Variants in CLDN14 observed in about 807,000 individuals in gnomAD.
The protein encoded by CLDN14 is claudin-14.
CLDN14 carries 2 observed loss-of-function variants against 2.1 expected under a neutral mutation model. The observed-to-expected ratio is 0.96, with a 90% CI of 0.39 to 3.01. The LOEUF (loss-of-function observed/expected upper bound fraction) is 3.01, where lower values mean the gene tolerates loss of function less well. CLDN14 is among the 30% of genes most tolerant of loss of function. The probability of loss-of-function intolerance (pLI) is 0.09; values close to 1 mark genes in which losing one functional copy is unlikely to be tolerated. For synonymous variants in CLDN14, 136 were observed against 154.4 expected, an observed-to-expected ratio of 0.88 and a Z score of 0.88; for missense variants, 298 against 328.0, an observed-to-expected ratio of 0.91 and a Z score of 0.71.
intron 1 of CLDN14, among the ~76,000 whole-genome samples, chr21:36,561,623 G>C (rs2087635651): frequency 6.6e-6 from 1 of 152,208 alleles, no homozygotes; most frequent in African/African-American, 2.4e-5. Context: ...GTGTTGGTGA[G>C]GAACCATCCA....
chr21:36,509,669 C>T (rs916471707), intron 2 of CLDN14, among the ~76,000 whole-genome samples: 2 of 152,148 alleles, frequency 1.3e-5, no homozygotes, highest in African/African-American at 4.8e-5. Context: ...AATCTCTGCT[C>T]ATTGCAACCT....
chr21:36,561,711 C>T (rs1053107385), intron 1 of CLDN14, among the ~76,000 whole-genome samples: 2 of 152,168 alleles, frequency 1.3e-5, no homozygotes, highest in Admixed American at 1.3e-4. Context: ...AGCAAATGCA[C>T]CTCCCTCTCC....
chr21:36,529,384 G>A (rs1218755893), intron 1 of CLDN14, among the ~76,000 whole-genome samples: 1 of 152,070 alleles, frequency 6.6e-6, no homozygotes, highest in Non-Finnish European at 1.5e-5. Context: ...CACCTCCCGA[G>A]TTCAAGCGAT....
chr21:36,565,764 G>A (rs565546903), intron 1 of CLDN14, among the ~76,000 whole-genome samples: 3 of 152,278 alleles, frequency 2.0e-5, no homozygotes, highest in East Asian at 1.9e-4. Context: ...TTCCAAAGCA[G>A]TTGTGCTTTG....
At chr21:36,502,648 A>C (rs2087100815) in intron 2 of CLDN14, among the ~76,000 whole-genome samples, 1 of 152,208 alleles carries the variant, frequency 6.6e-6, no homozygotes, top group Non-Finnish European at 1.5e-5. Context: ...TCAAATGCAA[A>C]TTGTACAGTA....
intron 1 of CLDN14, among the ~76,000 whole-genome samples, chr21:36,470,429 G>A (rs987519349): frequency 3.3e-5 from 5 of 152,180 alleles, no homozygotes; most frequent in African/African-American, 1.2e-4. Context: ...AAGGAATGTG[G>A]AGGATCGCCA....
chr21:36,515,878 C>T (rs1375218357), intron 1 of CLDN14, among the ~76,000 whole-genome samples: 2 of 147,222 alleles, frequency 1.4e-5, no homozygotes, highest in Non-Finnish European at 3.0e-5. Context: ...CCTCCGCCTC[C>T]CGGGTTCAAG....
At chr21:36,558,723 G>A (rs975013119) in intron 1 of CLDN14, among the ~76,000 whole-genome samples, 1 of 150,218 alleles carries the variant, frequency 6.7e-6, no homozygotes, top group Non-Finnish European at 1.5e-5. Flanking sequence ...TGTATCCTGT[G>A]CCTTTACTGA....
At chr21:36,553,398 TGGTG>T (rs1165383714) in intron 1 of CLDN14, among the ~76,000 whole-genome samples, 1 of 152,148 alleles carries the variant, frequency 6.6e-6, no homozygotes, top group Non-Finnish European at 1.5e-5. Flanking sequence ...AACAGGCCCC[TGGTG>T]GTCTCTGGTC....
intron 1 of CLDN14, among the ~76,000 whole-genome samples, chr21:36,570,244 G>A (rs1290255672): frequency 1.3e-5 from 2 of 152,230 alleles, no homozygotes; most frequent in Non-Finnish European, 2.9e-5. Flanking sequence ...ACCAAAGTTT[G>A]TCATGCAGAT....
intron 1 of CLDN14, among the ~76,000 whole-genome samples, chr21:36,541,321 A>G (rs2087486731): frequency 6.6e-6 from 1 of 152,240 alleles, no homozygotes; most frequent in Admixed American, 6.5e-5. Context: ...GACTTCTAAT[A>G]AAACTCACAG....
chr21:36,520,346 C>A (rs1471428821), intron 1 of CLDN14, among the ~76,000 whole-genome samples: 1 of 152,200 alleles, frequency 6.6e-6, no homozygotes, highest in Non-Finnish European at 1.5e-5. Context: ...GCTGTGTCCC[C>A]ACCCAAATCT....
intron 1 of CLDN14, among the ~76,000 whole-genome samples, chr21:36,531,424 C>T (rs371429592): frequency 6.6e-5 from 10 of 151,852 alleles, no homozygotes; most frequent in East Asian, 1.9e-4. Context: ...CGCACCACCA[C>T]GCTCAAATTT....
chr21:36,486,880 G>C, intron 2 of CLDN14: 1 of 689,544 alleles, frequency 1.5e-6, no homozygotes, highest in Non-Finnish European at 2.7e-6. Flanking sequence ...GTGTAGCTTG[G>C]ACAGGATGCG....
chr21:36,535,576 G>T (rs533055733), intron 1 of CLDN14, among the ~76,000 whole-genome samples: 1 of 152,066 alleles, frequency 6.6e-6, no homozygotes. Flanking sequence ...AAATATATAG[G>T]TATGCATACA....
upstream of CLDN14, chr21:36,481,050 GC>G: frequency 6.6e-6 from 1 of 152,138 alleles, no homozygotes. Flanking sequence ...CATCTGCATA[GC>G]TTTTTTGGTC....
At chr21:36,489,117 G>GAA (rs869298653) in intron 2 of CLDN14, among the ~76,000 whole-genome samples, 692 of 56,918 alleles carry the variant, frequency 0.012, 21 homozygotes, top group African/African-American at 0.045. Context: ...CTGTCTCAAA[G>GAA]AAAAAAAAAA....
At chr21:36,482,838 G>C (rs1389683950), upstream of CLDN14, among the ~76,000 whole-genome samples, 1 of 152,186 alleles carries the variant, frequency 6.6e-6, no homozygotes, top group African/African-American at 2.4e-5. Context: ...GCAGAGGTCT[G>C]ACCTAAGGAG....
chr21:36,460,887 A>G lies in CLDN14; in HGVS notation c.*89T>C. On this transcript the variant is annotated 3_prime_UTR_variant, in exon 2 of 2. Transcript: ENST00000399135. The surrounding 1 kb of genome is among the most constrained non-coding windows in gnomAD (Gnocchi z 4.0). ...TTGGATACAAAAATTGCCCAGAAGT[A>G]AACTTTGTGCTGGAACCCCTGCCTC... is the stretch of plus-strand genomic sequence containing the variant. 1 of 1,494,510 alleles carries G rather than the reference A, an allele frequency of 6.7e-7. No individual in the cohort carries two copies. The highest frequency in any genetic ancestry group is 9.1e-7 in the Non-Finnish European group (1 of 1,097,952). The allele number at this position is 1,494,510 out of a possible 1,614,324, so 92.6% of individuals were successfully genotyped here. A position where few individuals can be genotyped will look rare whatever the true frequency, so the allele number is the denominator to read the frequency against.
Sources: gnomAD v4.1 joint callset for allele counts (sites outside exome capture counted in the v4.1 genomes callset) on GRCh38, gnomAD v4.1.1 for gene constraint, Gnocchi (gnomAD v3.1) non-coding constraint, MANE v1.5 for transcripts, NCBI Gene and HGNC (gene_info 2026-07-23, HGNC 2026-07-21) for gene names.